The following PGAP6 variants were observed in gnomAD, a reference collection of about 807,000 sequenced individuals.
PGAP6 encodes the protein post-GPI attachment to proteins factor 6.
PGAP6 carries 62 observed loss-of-function variants against 68.4 expected under a neutral mutation model. The ratio of observed to expected loss-of-function variants is 0.91; its 90% CI spans 0.74 to 1.12. The LOEUF (loss-of-function observed/expected upper bound fraction) is 1.12. Ranked by LOEUF, PGAP6 falls within the 50% of genes most tolerant of loss-of-function variation. The pLI, the probability that PGAP6 is intolerant of heterozygous loss-of-function variation, is 0.00. For synonymous variants in PGAP6, 575 were observed against 474.0 expected, an observed-to-expected ratio of 1.21 and a Z score of -2.77; for missense variants, 1,188 against 1,068.5, an observed-to-expected ratio of 1.11 and a Z score of -1.56.
rs11248931 is a variant in PGAP6, at chr16:377,479, T to C, written c.406A>G (p.Thr136Ala). 0.57 allele frequency: 918,584 copies of C among 1,607,742 alleles called. 266,285 individuals are homozygous for C. The highest frequency in any genetic ancestry group is 0.71 in the South Asian group (63,871 of 90,334). Reference protein sequence around the residue: ...SFQVGVPLSTTPRSNASVNVS... With the variant: ...SFQVGVPLSTAPRSNASVNVS... ...TTGACGGAGGCATTGCTTCTCGGTGTGGTGCTCAGCGGCACCCCGACCTGG... is the reference window on the plus strand; with the variant it reads ...TTGACGGAGGCATTGCTTCTCGGTGCGGTGCTCAGCGGCACCCCGACCTGG... The change falls in exon 3 of 13, where the codon ACA (threonine) becomes GCA (alanine). Residue 136 changes from threonine (T) to alanine (A), a missense_variant. Transcript: ENST00000431232.
chr16:375,343 A>C lies in PGAP6; in HGVS notation c.1315+2T>G, dbSNP rs760118151. 1.2e-6 allele frequency: 2 copies of C among 1,612,838 alleles called. No individual in the cohort carries two copies. The highest frequency in any genetic ancestry group is 4.5e-5 in the East Asian group (2 of 44,870). ...GCTGACGGTGACGCCTGCCCATCATACCTGTGGTGCAGTTGAGCGAAGTAT... is the reference window on the plus strand; with the variant it reads ...GCTGACGGTGACGCCTGCCCATCATCCCTGTGGTGCAGTTGAGCGAAGTAT... On this transcript the variant is annotated splice_donor_variant, in intron 7 of 12. Transcript: ENST00000431232. LOFTEE classifies it high-confidence loss of function.
At chr16:381,603 C>T (rs2054438808) in intron 1 of PGAP6, 98 bp downstream of exon 1, 1 of 990,938 alleles carries the variant, frequency 1.0e-6, no homozygotes, top group Non-Finnish European at 1.3e-6. Flanking sequence ...CCCGCGCCGG[C>T]GCCAGATGAG....
intron 7 of PGAP6, 42 bp downstream of exon 7, chr16:375,303 G>A (rs184327466): frequency 8.7e-6 from 14 of 1,612,578 alleles, no homozygotes; most frequent in Non-Finnish European, 1.2e-5. Context: ...GGGGCGGGGG[G>A]CTGGCCGGGG....
intron 9 of PGAP6, 146 bp downstream of exon 9, chr16:374,610 G>A: frequency 8.3e-7 from 1 of 1,201,334 alleles, no homozygotes; most frequent in Non-Finnish European, 1.1e-6. Flanking sequence ...GGGGAATGGG[G>A]GAGTGGGGAG....
In PGAP6 at chr16:371,936, C is replaced by A. The variant is rs2054336531; in HGVS notation, c.*51G>T. On this transcript the variant is annotated 3_prime_UTR_variant, in exon 13 of 13. Coordinates refer to ENST00000431232, the MANE Select transcript of PGAP6 (RefSeq NM_021259.3). ...TGGACCAGGCGCCTCCCCCTCGATA[C>A]AGCTCCTGGCTGAAGAGGTCATCAG... is the stretch of plus-strand genomic sequence containing the variant. 6.3e-7 allele frequency: 1 copy of A among 1,575,984 alleles called. No individual in the cohort carries two copies. Among genetic ancestry groups the A allele is most frequent in the African/African-American group, 1.3e-5 (1 of 74,330 alleles).
Position 381,897 on chromosome 16 carries a change from G to A in PGAP6, c.-76C>T. 1.1e-5 allele frequency: 2 copies of A among 187,396 alleles called. No homozygotes were observed. The highest frequency in any genetic ancestry group is 1.3e-5 in the Non-Finnish European group (2 of 158,022). The allele number at this position is 187,396 out of a possible 1,614,324, so 11.6% of individuals were successfully genotyped here. On this transcript the variant is annotated 5_prime_UTR_variant, in exon 1 of 13. Transcript: ENST00000431232. ...CCCCGCCGCCGCCCGGGCAGCCTCTGCCGCCTCCGCCTCTGCCGCCTCCGC... is the reference window on the plus strand; with the variant it reads ...CCCCGCCGCCGCCCGGGCAGCCTCTACCGCCTCCGCCTCTGCCGCCTCCGC...
At chr16:386,281 C>T (rs898051233), upstream of PGAP6, among the ~76,000 whole-genome samples, 2 of 151,900 alleles carry the variant, frequency 1.3e-5, no homozygotes, top group Middle Eastern at 3.2e-3. Flanking sequence ...TCCAAATAAC[C>T]ACCCTGTGCA....
At chr16:373,900 G>A (rs944289370) in intron 11 of PGAP6, 105 bp downstream of exon 11, 16 of 1,373,808 alleles carry the variant, frequency 1.2e-5, no homozygotes, top group East Asian at 7.6e-5. Flanking sequence ...TCCAGGGGCC[G>A]TGCCCAACGC....
Position 377,565 on chromosome 16 carries a change from G to T in PGAP6, c.320C>A (p.Pro107His), listed in dbSNP as rs760022336. The T allele has an allele frequency of 5.1e-6, 8 of 1,581,798 alleles. No homozygotes were observed. Among genetic ancestry groups the T allele is most frequent in the Non-Finnish European group, 6.9e-6 (8 of 1,164,542 alleles). The stretch of plus-strand genomic sequence containing the variant: ...GGTGCCCAGCGGGTTGATGACCGGA[G>T]GGGCGCCGGAACGGAAGTGCCTGGA... The part of the protein sequence containing the change: ...EITVHFRSGA[P>H]PVINPLGTSF... Residue 107 changes from proline to histidine, a missense_variant, in exon 3 of 13, where the codon CCT (proline) becomes CAT (histidine). Physicochemically the swap from Pro to His is moderately conservative, Grantham distance 77. Transcript: ENST00000431232.
At chr16:386,954 C>A, upstream of PGAP6, 1 of 572,422 alleles carries the variant, frequency 1.7e-6, no homozygotes, top group East Asian at 4.3e-5. Flanking sequence ...CTTGGAAGAG[C>A]ACCCCCAGGA....
chr16:373,181 G>A lies in PGAP6; in HGVS notation c.1903-454C>T, dbSNP rs562038629. On this transcript the variant is annotated intron_variant, in intron 11 of 12. Coordinates refer to ENST00000431232, the MANE Select transcript of PGAP6 (RefSeq NM_021259.3). ...CTGCCTATCTGCAGGTTCAGGCCCCGCACTCAGCCCTGCAGGACCCTGGTG... is the reference window on the plus strand; with the variant it reads ...CTGCCTATCTGCAGGTTCAGGCCCCACACTCAGCCCTGCAGGACCCTGGTG... 4.6e-5 allele frequency among the ~76,000 whole-genome samples: 7 copies of A among 152,276 alleles called. No individual in the cohort carries two copies. In the East Asian group the frequency reaches 5.8e-4, roughly 13 times the overall value.
rs1261238253 is a variant in PGAP6, at chr16:373,554, GGTTTC to G, written c.1902+446_1902+450del. Among the ~76,000 whole-genome samples the G allele has an allele frequency of 5.5e-4, 84 of 152,250 alleles. 1 individual carries two copies. Among genetic ancestry groups the G allele is most frequent in the African/African-American group, 1.6e-3 (66 of 41,580 alleles). On this transcript the variant is annotated intron_variant, in intron 11 of 12. Coordinates refer to ENST00000431232, the MANE Select transcript of PGAP6 (RefSeq NM_021259.3). ...CCGTGTGGCATCACAGAAGACATGA[GGTTTC>G]TTTTCTTTTCTTTTGTCACCCAGGC...
In PGAP6 at chr16:372,060, G is replaced by C. The variant is rs762875936; in HGVS notation, c.2243C>G (p.Ala748Gly). ...PPPDQPAEPW[A>G]CSQKFPCHYQ... Reference sequence around the variant, plus strand: ...GTGGCAGGGGAATTTCTGCGAGCAGGCCCAGGGCTCGGCGGGCTGGTCAGG... The same window carrying C: ...GTGGCAGGGGAATTTCTGCGAGCAGCCCCAGGGCTCGGCGGGCTGGTCAGG... The change falls in exon 13 of 13, where the codon GCC becomes GGC. Residue 748 changes from alanine to glycine, a missense_variant. Physicochemically the swap from Ala to Gly is moderately conservative, Grantham distance 60. Coordinates refer to ENST00000431232, the MANE Select transcript of PGAP6 (RefSeq NM_021259.3). 8.1e-6 allele frequency: 13 copies of C among 1,612,548 alleles called. No homozygotes were observed. The highest frequency in any genetic ancestry group is 6.7e-5 in the African/African-American group (5 of 74,936).
chr16:376,358 G>T lies in PGAP6; in HGVS notation c.1002C>A (p.Asp334Glu). The T allele has an allele frequency of 6.2e-7, 1 of 1,612,258 alleles. No homozygotes were observed. The highest frequency in any genetic ancestry group is 8.5e-7 in the Non-Finnish European group (1 of 1,179,658). Residue 334 changes from aspartate (D) to glutamate (E), a missense_variant, in exon 6 of 13, where the codon GAC becomes GAA. Physicochemically the swap from Asp to Glu is conservative, Grantham distance 45 (BLOSUM62 2). Transcript: ENST00000431232. ...TGCCACTCCTGCCCAGGTCCTGGTG[G>T]TCGGGGCTCGGGGACAGCAGACCAG... is the stretch of plus-strand genomic sequence containing the variant. ...ASSGLLSPSP[D>E]HQDLGRSGRV...
chr16:376,057 G>A (rs1253882972), intron 6 of PGAP6, 79 bp downstream of exon 6: 7 of 1,408,566 alleles, frequency 5.0e-6, no homozygotes, highest in South Asian at 1.3e-5. Context: ...CCGTGCCAAG[G>A]TAAATGAGGA....
chr16:372,566 T>C, intron 12 of PGAP6, 45 bp downstream of exon 12: 3 of 1,463,754 alleles, frequency 2.0e-6, no homozygotes, highest in Non-Finnish European at 2.9e-6. Context: ...CAGGCTCTCT[T>C]CTCCGAGCAC....
In PGAP6 at chr16:374,832, G is replaced by A. The variant is rs781755751; in HGVS notation, c.1500C>T (p.Asn500=). The change falls in exon 9 of 13, where the codon AAC becomes AAT. Residue 500 remains asparagine, a synonymous_variant. Coordinates refer to ENST00000431232, the MANE Select transcript of PGAP6 (RefSeq NM_021259.3). ...GGCACTGGCCATAGGGTCCACAATC[G>A]TTCAAACAGGGCACCAGGTACAAGG... ...ETTLYLVPCL[N]DCGPYGQCLL... is the part of the protein sequence containing the mutation. 25 of 1,613,042 alleles carry A rather than the reference G, an allele frequency of 1.5e-5. No homozygotes were observed. The highest frequency in any genetic ancestry group is 1.7e-4 in the Middle Eastern group (1 of 6,060).
At chr16:381,608 G>A (rs1330599156) in intron 1 of PGAP6, 93 bp downstream of exon 1, 3 of 1,020,980 alleles carry the variant, frequency 2.9e-6, no homozygotes, top group Non-Finnish European at 2.4e-6. Flanking sequence ...GCCGGCGCCA[G>A]ATGAGCGCAC....
At position 374,008 on chromosome 16, in the gene PGAP6, T is replaced by C. The variant is rs749603001; in HGVS notation, c.1899A>G (p.Lys633=). The C allele has an allele frequency of 5.0e-6, 8 of 1,608,362 alleles. No homozygotes were observed. The South Asian group carries it at 7.7e-5, about 15-fold the overall frequency. Residue 633 remains lysine (K), a synonymous_variant, in exon 11 of 13, where the codon AAA becomes AAG. Transcript: ENST00000431232. ...LCMARLKTVL[K]YVLFLLGTLV... Reference sequence around the variant, plus strand: ...CCCCACGTCGAGGGCCACTCACGTATTTCAGGACTGTCTTGAGCCGTGCCA... The same window carrying C: ...CCCCACGTCGAGGGCCACTCACGTACTTCAGGACTGTCTTGAGCCGTGCCA...
Sources: gnomAD v4.1 joint callset for allele counts (sites outside exome capture counted in the v4.1 genomes callset) on GRCh38, gnomAD v4.1.1 for gene constraint, MANE v1.5 for transcripts, NCBI Gene and HGNC (gene_info 2026-07-23, HGNC 2026-07-21) for gene names.